KHDRBS3: variants seen among roughly 807,000 people sequenced by gnomAD.
KHDRBS3 encodes KH domain-containing, RNA-binding, signal transduction-associated protein 3.
In KHDRBS3, 23 loss-of-function variants were observed where a neutral mutation model predicts 45.6. The observed-to-expected ratio is 0.50, with a 90% CI of 0.36 to 0.72. The LOEUF (loss-of-function observed/expected upper bound fraction) is 0.72, where lower values mean the gene tolerates loss of function less well. Ranked by LOEUF, KHDRBS3 falls within the 30% of genes least tolerant of loss-of-function variation. KHDRBS3 has a pLI of 0.00. For synonymous variants in KHDRBS3, 162 were observed against 156.5 expected (o/e 1.04, Z -0.26); for missense variants, 352 against 424.8 (o/e 0.83, Z 1.51).
chr8:135,511,572 T>G (rs996542231), intron 1 of KHDRBS3, among the ~76,000 whole-genome samples: 4 of 152,126 alleles, frequency 2.6e-5, no homozygotes, highest in African/African-American at 9.7e-5. Flanking sequence ...TTGTTGTTTT[T>G]GGAGACAGTG....
At chr8:135,582,444 G>T (rs1014753026) in intron 6 of KHDRBS3, among the ~76,000 whole-genome samples, 2 of 152,200 alleles carry the variant, frequency 1.3e-5, no homozygotes, top group Admixed American at 6.5e-5. Context: ...TACCAAGATG[G>T]TTTCCGCCTT....
At chr8:135,504,213 A>C (rs1002901867) in intron 1 of KHDRBS3, among the ~76,000 whole-genome samples, 1 of 151,772 alleles carries the variant, frequency 6.6e-6, no homozygotes, top group Non-Finnish European at 1.5e-5. Context: ...ATTAATTTTG[A>C]CTCTCTTACT....
intron 6 of KHDRBS3, among the ~76,000 whole-genome samples, chr8:135,604,571 T>C (rs1264411125): frequency 6.6e-6 from 1 of 151,996 alleles, no homozygotes; most frequent in African/African-American, 2.4e-5. Flanking sequence ...TACATTTTTA[T>C]TTTTAAATTA....
At chr8:135,615,307 G>GT (rs1829872449) in intron 7 of KHDRBS3, among the ~76,000 whole-genome samples, 1 of 148,912 alleles carries the variant, frequency 6.7e-6, no homozygotes, top group Admixed American at 6.6e-5. Flanking sequence ...GTTAGCATGT[G>GT]TAAGTATTGC....
intron 1 of KHDRBS3, among the ~76,000 whole-genome samples, chr8:135,465,687 A>G (rs1347350127): frequency 6.6e-6 from 1 of 152,190 alleles, no homozygotes; most frequent in Non-Finnish European, 1.5e-5. Context: ...GCCTCTTTCC[A>G]CAAGCACAAG....
chr8:135,534,120 C>T (rs1193834887), intron 2 of KHDRBS3, among the ~76,000 whole-genome samples: 1 of 152,068 alleles, frequency 6.6e-6, no homozygotes, highest in African/African-American at 2.4e-5. Context: ...TCTTTATATC[C>T]TCCTTTTTAC....
intron 1 of KHDRBS3, among the ~76,000 whole-genome samples, chr8:135,467,555 C>T (rs952356401): frequency 6.6e-6 from 1 of 152,234 alleles, no homozygotes; most frequent in African/African-American, 2.4e-5. Flanking sequence ...TTTTGGAAAA[C>T]TATACAAAAA....
chr8:135,510,284 C>T (rs1470007062), intron 1 of KHDRBS3, among the ~76,000 whole-genome samples: 2 of 152,124 alleles, frequency 1.3e-5, no homozygotes, highest in African/African-American at 2.4e-5. Flanking sequence ...AATTGTAATG[C>T]CTTTATTTGA....
intron 6 of KHDRBS3, among the ~76,000 whole-genome samples, chr8:135,582,844 G>A (rs1828282893): frequency 6.6e-6 from 1 of 152,226 alleles, no homozygotes; most frequent in African/African-American, 2.4e-5. Context: ...CTTGCTAGGT[G>A]CTCTGTGCCT....
intron 1 of KHDRBS3, among the ~76,000 whole-genome samples, chr8:135,517,961 CCT>C (rs960334629): frequency 6.6e-6 from 1 of 152,054 alleles, no homozygotes; most frequent in Non-Finnish European, 1.5e-5. Context: ...CTTTCATTTT[CCT>C]TTTTAAAATA....
chr8:135,557,611 T>G (rs1275834621), intron 5 of KHDRBS3, 24 bp downstream of exon 5: 1 of 1,582,562 alleles, frequency 6.3e-7, no homozygotes, highest in Non-Finnish European at 8.7e-7. Flanking sequence ...TTTTTTTAGG[T>G]TAACATACCG....
intron 2 of KHDRBS3, among the ~76,000 whole-genome samples, chr8:135,525,911 T>A (rs182802990): frequency 6.6e-6 from 1 of 152,348 alleles, no homozygotes; most frequent in East Asian, 1.9e-4. Context: ...AGTCATGTGC[T>A]GCATAGTGAT....
At chr8:135,503,935 T>C (rs990355937) in intron 1 of KHDRBS3, among the ~76,000 whole-genome samples, 1 of 152,210 alleles carries the variant, frequency 6.6e-6, no homozygotes, top group Non-Finnish European at 1.5e-5. Flanking sequence ...CTCATAAATA[T>C]GTAGAACTGA....
intron 1 of KHDRBS3, among the ~76,000 whole-genome samples, chr8:135,503,326 G>T (rs1335528743): frequency 1.3e-5 from 2 of 152,166 alleles, no homozygotes; most frequent in Non-Finnish European, 2.9e-5. Context: ...TACTGTCACG[G>T]CACTATGGAG....
chr8:135,542,613 C>T, intron 2 of KHDRBS3, 41 bp from the exon 3 acceptor site: 1 of 1,282,582 alleles, frequency 7.8e-7, no homozygotes, highest in East Asian at 2.3e-5. Context: ...AAATTGCTTT[C>T]ACATATAAAT....
chr8:135,485,361 G>A (rs1318876807), intron 1 of KHDRBS3, among the ~76,000 whole-genome samples: 1 of 152,144 alleles, frequency 6.6e-6, no homozygotes, highest in Non-Finnish European at 1.5e-5. Flanking sequence ...TTTTAAGTTG[G>A]GCCTTACAGG....
At chr8:135,480,706 A>G (rs1049687401) in intron 1 of KHDRBS3, among the ~76,000 whole-genome samples, 6 of 152,120 alleles carry the variant, frequency 3.9e-5, no homozygotes, top group Non-Finnish European at 7.4e-5. Context: ...TGAGATAACT[A>G]TTGGTTATAT....
chr8:135,590,548 C>G (rs1828699838), intron 6 of KHDRBS3, among the ~76,000 whole-genome samples: 1 of 152,178 alleles, frequency 6.6e-6, no homozygotes, highest in Non-Finnish European at 1.5e-5. Context: ...TTGGTTTCCA[C>G]TCTCACCCTA....
chr8:135,505,011 T>G (rs984224918), intron 1 of KHDRBS3, among the ~76,000 whole-genome samples: 1 of 152,206 alleles, frequency 6.6e-6, no homozygotes, highest in African/African-American at 2.4e-5. Flanking sequence ...AAGAAAGCAC[T>G]CTCAGCAGCT....
Sources: gnomAD v4.1 joint callset for allele counts (sites outside exome capture counted in the v4.1 genomes callset) on GRCh38, gnomAD v4.1.1 for gene constraint, MANE v1.5 for transcripts, NCBI Gene and HGNC (gene_info 2026-07-23, HGNC 2026-07-21) for gene names.